Variants in GLCCI1 observed in about 807,000 individuals in gnomAD.
GLCCI1 encodes the protein glucocorticoid induced 1, also known as glucocorticoid-induced transcript 1 protein.
Under a neutral mutation model 52.2 loss-of-function variants are expected in GLCCI1, and 24 were observed. That is an observed-to-expected ratio of 0.46 (90% confidence interval 0.33 to 0.65). The LOEUF is 0.65. Among genes scored for constraint, GLCCI1 ranks in the 30% least tolerant of loss-of-function variants. GLCCI1 has a pLI of 0.02. For missense variants in GLCCI1, 704 were observed against 701.5 expected (o/e 1.00, Z -0.04); for synonymous variants, 310 against 276.5 (o/e 1.12, Z -1.20).
At chr7:8,015,493 T>C (rs1366476908) in intron 2 of GLCCI1, among the ~76,000 whole-genome samples, 4 of 152,242 alleles carry the variant, frequency 2.6e-5, no homozygotes, top group African/African-American at 9.6e-5. Flanking sequence ...GATTGCATTC[T>C]AGGGGTCTAA....
At chr7:8,024,492 A>G (rs1305531379) in intron 3 of GLCCI1, among the ~76,000 whole-genome samples, 1 of 152,246 alleles carries the variant, frequency 6.6e-6, no homozygotes, top group Non-Finnish European at 1.5e-5. Flanking sequence ...AGAGTTATCA[A>G]CGAGATTTAG....
At position 8,086,079 on chromosome 7, in the gene GLCCI1, C is replaced by A; in HGVS notation, c.1299-114C>A. On this transcript the variant is annotated intron_variant, in intron 7 of 7. Coordinates refer to ENST00000223145, the MANE Select transcript of GLCCI1 (RefSeq NM_138426.4). This position sits in a 1 kb window ranked among gnomAD's most constrained non-coding sequence, Gnocchi z 4.4. ...TGTTTACCCCTCTGTATACACTTAACCCATCTCCTGCCATTTACATTTTAG... is the reference window on the plus strand; with the variant it reads ...TGTTTACCCCTCTGTATACACTTAAACCATCTCCTGCCATTTACATTTTAG... The A allele has an allele frequency of 1.2e-6, 1 of 857,902 alleles. No homozygotes were observed. The highest frequency in any genetic ancestry group is 1.8e-6 in the Non-Finnish European group (1 of 549,222). The allele number at this position is 857,902 out of a possible 1,614,324, so 53.1% of individuals were successfully genotyped here. A position where few individuals can be genotyped will look rare whatever the true frequency, so the allele number is the denominator to read the frequency against.
At chr7:7,979,907 C>G (rs1780573630) in intron 1 of GLCCI1, among the ~76,000 whole-genome samples, 1 of 151,972 alleles carries the variant, frequency 6.6e-6, no homozygotes, top group South Asian at 2.1e-4. Context: ...ATTTTTCTTT[C>G]TCTTCTTTTA....
intron 1 of GLCCI1, among the ~76,000 whole-genome samples, chr7:7,989,803 A>C (rs1780803989): frequency 6.6e-6 from 1 of 152,092 alleles, no homozygotes; most frequent in Non-Finnish European, 1.5e-5. Context: ...TAATCATTTA[A>C]GTGCAAGGTA....
rs1468271562 is a variant in GLCCI1 at position 8,086,010 on chromosome 7, C to T, written c.1299-183C>T. ...TTTTGTCTCAAATACCACTTCAGTG[C>T]TGTGTGCATGAATAGTCTGCCAGCT... On this transcript the variant is annotated intron_variant, in intron 7 of 7. Coordinates refer to ENST00000223145, the MANE Select transcript of GLCCI1 (RefSeq NM_138426.4). This position sits in a 1 kb window ranked among gnomAD's most constrained non-coding sequence, Gnocchi z 4.4. Among the ~76,000 whole-genome samples, 2 of 152,180 alleles carry T rather than the reference C, an allele frequency of 1.3e-5. No homozygotes were observed. Among genetic ancestry groups the T allele is most frequent in the Non-Finnish European group, 2.9e-5 (2 of 68,036 alleles).
chr7:8,071,087 G>A lies in GLCCI1; in HGVS notation c.1133G>A (p.Gly378Asp). The part of the protein sequence containing the change: ...SPFCPPESQD[G>D]SPCSTEDLLY... ...TTTTGTCCCCCGGAATCCCAGGATGGTAGCCCTTGCTCAACAGAAGATTTG... is the reference window on the plus strand; with the variant it reads ...TTTTGTCCCCCGGAATCCCAGGATGATAGCCCTTGCTCAACAGAAGATTTG... The change falls in exon 6 of 8, where the codon GGT becomes GAT. Residue 378 changes from glycine (G) to aspartate (D), a missense_variant. Gly to Asp is a moderately conservative substitution (Grantham distance 94). Transcript: ENST00000223145. 3 of 1,614,166 alleles carry A rather than the reference G, an allele frequency of 1.9e-6. No homozygotes were observed. The highest frequency in any genetic ancestry group is 2.5e-6 in the Non-Finnish European group (3 of 1,180,024).
At chr7:7,985,954 T>A (rs1294459598) in intron 1 of GLCCI1, among the ~76,000 whole-genome samples, 2 of 152,158 alleles carry the variant, frequency 1.3e-5, no homozygotes, top group Non-Finnish European at 2.9e-5. Context: ...TGGCTGGAAA[T>A]GAGTATTTTT....
At chr7:7,988,347 C>A (rs1780777410) in intron 1 of GLCCI1, among the ~76,000 whole-genome samples, 1 of 152,034 alleles carries the variant, frequency 6.6e-6, no homozygotes, top group African/African-American at 2.4e-5. Context: ...TACTTAGTAT[C>A]ATCAGTGTGA....
rs1423098525 is a variant in GLCCI1 at position 8,088,606 on chromosome 7, C to T, written c.*2068C>T. The T allele has an allele frequency of 6.6e-6, 1 of 152,572 alleles. No individual in the cohort carries two copies. The highest frequency in any genetic ancestry group is 1.5e-5 in the Non-Finnish European group (1 of 68,022). The allele number at this position is 152,572 out of a possible 1,614,324, so 9.5% of individuals were successfully genotyped here. ...ACTTCTGATGTCTGGTTTAGCATTACATAATATGTTGATCTTACACTCTGC... is the reference window on the plus strand; with the variant it reads ...ACTTCTGATGTCTGGTTTAGCATTATATAATATGTTGATCTTACACTCTGC... On this transcript the variant is annotated 3_prime_UTR_variant, in exon 8 of 8. Transcript: ENST00000223145.
At chr7:8,002,265 A>G (rs1781064263) in intron 1 of GLCCI1, among the ~76,000 whole-genome samples, 1 of 122,584 alleles carries the variant, frequency 8.2e-6, no homozygotes, top group South Asian at 2.3e-4. Flanking sequence ...AATTATTCCT[A>G]TATTCTATAA....
chr7:8,071,573 A>G (rs1475716366), intron 6 of GLCCI1, among the ~76,000 whole-genome samples: 1 of 152,206 alleles, frequency 6.6e-6, no homozygotes, highest in African/African-American at 2.4e-5. Flanking sequence ...CAAGTTTATA[A>G]AGCTTAGTGA....
chr7:8,020,938 C>G (rs1781472008), intron 2 of GLCCI1, among the ~76,000 whole-genome samples: 1 of 152,062 alleles, frequency 6.6e-6, no homozygotes, highest in Admixed American at 6.5e-5. Context: ...ATAGGAAATT[C>G]TAATAAGTAA....
In GLCCI1 at chr7:8,088,224, A is replaced by G. The variant is rs1352245892; in HGVS notation, c.*1686A>G. On this transcript the variant is annotated 3_prime_UTR_variant, in exon 8 of 8. Coordinates refer to ENST00000223145, the MANE Select transcript of GLCCI1 (RefSeq NM_138426.4). ...TTGATTTTTTTTTTTAAGAAATGAT[A>G]TATATATGTATATGTTTGTGTGTGT... The G allele has an allele frequency of 8.1e-6, 1 of 122,802 alleles. No individual in the cohort carries two copies. Among genetic ancestry groups the G allele is most frequent in the Non-Finnish European group, 1.7e-5 (1 of 58,890 alleles). The allele number at this position is 122,802 out of a possible 1,614,324, so 7.6% of individuals were successfully genotyped here.
intron 2 of GLCCI1, among the ~76,000 whole-genome samples, chr7:8,009,565 T>C (rs1231496299): frequency 6.6e-6 from 1 of 152,164 alleles, no homozygotes; most frequent in Non-Finnish European, 1.5e-5. Context: ...CCATGAGACT[T>C]GATTTGGGAA....
chr7:8,059,102 G>A (rs1360321336), intron 4 of GLCCI1, among the ~76,000 whole-genome samples: 1 of 152,152 alleles, frequency 6.6e-6, no homozygotes, highest in Non-Finnish European at 1.5e-5. Flanking sequence ...TCTCAGGGTG[G>A]CAGAGGTGGA....
intron 5 of GLCCI1, among the ~76,000 whole-genome samples, chr7:8,069,724 T>A (rs1782712175): frequency 6.6e-6 from 1 of 152,216 alleles, no homozygotes; most frequent in African/African-American, 2.4e-5. Context: ...TAGTTTCAGA[T>A]TTCGGCCTTC....
chr7:8,053,314 CG>C (rs200174766), intron 3 of GLCCI1, among the ~76,000 whole-genome samples: 6,580 of 96,920 alleles, frequency 0.068, 232 homozygotes, highest in Non-Finnish European at 0.097. Context: ...TTTTTGTTTT[CG>C]TTTTTTTTTT....
At chr7:7,998,678 T>C (rs1188524440) in intron 1 of GLCCI1, among the ~76,000 whole-genome samples, 1 of 152,234 alleles carries the variant, frequency 6.6e-6, no homozygotes, top group Non-Finnish European at 1.5e-5. Flanking sequence ...ATTTAGGTTT[T>C]AAGGTTCTTA....
chr7:8,075,770 T>C lies in GLCCI1; in HGVS notation c.1177+4639T>C, dbSNP rs58578645. ...GAATCGTTTGATTCAGGCCAACTACTGAGTAGAGTTGTATTCCAAGAGTCC... is the reference window on the plus strand; with the variant it reads ...GAATCGTTTGATTCAGGCCAACTACCGAGTAGAGTTGTATTCCAAGAGTCC... On this transcript the variant is annotated intron_variant, in intron 6 of 7. Coordinates refer to ENST00000223145, the MANE Select transcript of GLCCI1 (RefSeq NM_138426.4). Among the ~76,000 whole-genome samples the C allele has an allele frequency of 5.8e-3, 889 of 152,368 alleles. 11 individuals carry two copies. The highest frequency in any genetic ancestry group is 0.02 in the African/African-American group (833 of 41,592).
Sources: allele counts gnomAD v4.1 joint callset (sites outside exome capture counted in the v4.1 genomes callset), GRCh38; gene constraint gnomAD v4.1.1; non-coding constraint Gnocchi (gnomAD v3.1); transcripts MANE v1.5; gene names NCBI Gene and HGNC (gene_info 2026-07-23, HGNC 2026-07-21).